UQCRFS1: variants seen among roughly 807,000 people sequenced by gnomAD.
UQCRFS1 encodes the protein cytochrome b-c1 complex subunit Rieske, mitochondrial.
Under a neutral mutation model 15.6 loss-of-function variants are expected in UQCRFS1, and 6 were observed. The observed-to-expected ratio is 0.38, with a 90% confidence interval of 0.21 to 0.76. UQCRFS1 has a LOEUF of 0.76. Among genes scored for constraint, UQCRFS1 ranks in the 30% least tolerant of loss-of-function variants. The probability of loss-of-function intolerance (pLI) is 0.44; values close to 1 mark genes in which losing one functional copy is unlikely to be tolerated. For missense variants in UQCRFS1, 203 were observed against 366.7 expected, an observed-to-expected ratio of 0.55 and a Z score of 3.65; for synonymous variants, 105 against 154.3, an observed-to-expected ratio of 0.68 and a Z score of 2.37.
At chr19:29,209,071 G>T (rs960557994) in intron 1 of UQCRFS1, among the ~76,000 whole-genome samples, 3 of 152,074 alleles carry the variant, frequency 2.0e-5, no homozygotes, top group Admixed American at 2.0e-4. Context: ...TTACTATGTA[G>T]TACTTTGGGA....
rs1484056427 is a variant in UQCRFS1, at chr19:29,206,044, C to G, written c.*1504G>C. The G allele has an allele frequency of 1.3e-5, 2 of 152,154 alleles. No homozygotes were observed. Among genetic ancestry groups the G allele is most frequent in the African/African-American group, 2.4e-5 (1 of 41,408 alleles). The allele number at this position is 152,154 out of a possible 1,614,324, so 9.4% of individuals were successfully genotyped here. A position where few individuals can be genotyped will look rare whatever the true frequency, so the allele number is the denominator to read the frequency against. The stretch of plus-strand genomic sequence containing the variant: ...AGTATTTCTCTATAGGGAGGGGGTG[C>G]TGTTGACATTTTTGGCAGCACAGGT... On this transcript the variant is annotated 3_prime_UTR_variant, in exon 2 of 2. Coordinates refer to ENST00000304863, the MANE Select transcript of UQCRFS1 (RefSeq NM_006003.3).
intron 1 of UQCRFS1, among the ~76,000 whole-genome samples, chr19:29,212,023 T>C (rs1424569303): frequency 1.3e-5 from 2 of 152,190 alleles, no homozygotes; most frequent in Non-Finnish European, 2.9e-5. Flanking sequence ...TTTTAAGAGA[T>C]GCCATTAGTC....
rs1976595854 is a variant in UQCRFS1, at chr19:29,206,537, T to C, written c.*1011A>G. ...CCCACTCCCAACTCCCAGGGGAAAATGGACCTTAGTCTTGTTTCACCTGTG... is the reference window on the plus strand; with the variant it reads ...CCCACTCCCAACTCCCAGGGGAAAACGGACCTTAGTCTTGTTTCACCTGTG... On this transcript the variant is annotated 3_prime_UTR_variant, in exon 2 of 2. Coordinates refer to ENST00000304863, the MANE Select transcript of UQCRFS1 (RefSeq NM_006003.3). 1 of 152,166 alleles carries C rather than the reference T, an allele frequency of 6.6e-6. No individual in the cohort carries two copies. Among genetic ancestry groups the C allele is most frequent in the Admixed American group, 6.5e-5 (1 of 15,282 alleles). The allele number at this position is 152,166 out of a possible 1,614,324, so 9.4% of individuals were successfully genotyped here. A position where few individuals can be genotyped will look rare whatever the true frequency, so the allele number is the denominator to read the frequency against.
At chr19:29,208,936 A>G (rs190824564) in intron 1 of UQCRFS1, among the ~76,000 whole-genome samples, 21 of 152,154 alleles carry the variant, frequency 1.4e-4, no homozygotes, top group African/African-American at 5.1e-4. Context: ...CCCCCTCTTC[A>G]GTAAAGGGCA....
chr19:29,212,894 C>T lies in UQCRFS1; in HGVS notation c.214+11G>A. 7.7e-6 allele frequency: 11 copies of T among 1,428,270 alleles called. No individual in the cohort carries two copies. Among genetic ancestry groups the T allele is most frequent in the Middle Eastern group, 2.5e-4 (1 of 3,964 alleles). The allele number at this position is 1,428,270 out of a possible 1,614,324, so 88.5% of individuals were successfully genotyped here. On this transcript the variant is annotated intron_variant, in intron 1 of 1. Transcript: ENST00000304863. ...CCCCCAGCCCTGCTCGCGGCCCTCG[C>T]CCCGGCTCACCATTGAGGCCCACGG...
In UQCRFS1 at chr19:29,207,526, C is replaced by A. The variant is rs1443187554; in HGVS notation, c.*22G>T. 1 of 1,570,890 alleles carries A rather than the reference C, an allele frequency of 6.4e-7. No individual in the cohort carries two copies. Among genetic ancestry groups the A allele is most frequent in the South Asian group, 1.2e-5 (1 of 83,642 alleles). On this transcript the variant is annotated 3_prime_UTR_variant, in exon 2 of 2. Coordinates refer to ENST00000304863, the MANE Select transcript of UQCRFS1 (RefSeq NM_006003.3). ...AGGTGACATAAAGACTGAAAGAAGC[C>A]TATGACTTGAGTCCAAGTCTCTTAA...
At chr19:29,212,776 T>C (rs1976672601) in intron 1 of UQCRFS1, 129 bp downstream of exon 1, 1 of 1,011,638 alleles carries the variant, frequency 9.9e-7, no homozygotes. Flanking sequence ...AGGCCCAGAG[T>C]TGCGGAGGCC....
In UQCRFS1 at chr19:29,213,145, C is replaced by T. The variant is rs567116789; in HGVS notation, c.-27G>A. On this transcript the variant is annotated 5_prime_UTR_variant, in exon 1 of 2. Transcript: ENST00000304863. ...GCGACAGCCGCTCCAACCGCCAAGC[C>T]GGTCACAGGGACGACCTTCCAACCA... 5.1e-5 allele frequency: 78 copies of T among 1,519,182 alleles called. No homozygotes were observed. In the South Asian group the frequency reaches 8.1e-4, roughly 16 times the overall value. 94.1% of individuals were successfully genotyped at this position (1,519,182 alleles called of 1,614,324 possible). A position where few individuals can be genotyped will look rare whatever the true frequency, so the allele number is the denominator to read the frequency against.
chr19:29,207,813 T>G lies in UQCRFS1; in HGVS notation c.560A>C (p.Glu187Ala). 6.2e-7 allele frequency: 1 copy of G among 1,614,048 alleles called. No individual in the cohort carries two copies. The highest frequency in any genetic ancestry group is 8.5e-7 in the Non-Finnish European group (1 of 1,179,884). Residue 187 changes from glutamate (E) to alanine (A), a missense_variant, in exon 2 of 2, where the codon GAA (glutamate) becomes GCA (alanine). By Grantham distance (107) the Glu-to-Ala change is moderately radical. Transcript: ENST00000304863. ...RHRTQKEIEQ[E>A]AAVELSQLRD... ...CAACTGTGATAATTCAACTGCAGCT[T>G]CCTGCTCAATTTCCTTCTGGGTTCT... is the stretch of plus-strand genomic sequence containing the variant.
intron 1 of UQCRFS1, among the ~76,000 whole-genome samples, chr19:29,208,870 A>G (rs6509300): frequency 9.2e-5 from 14 of 152,192 alleles, no homozygotes; most frequent in African/African-American, 3.4e-4. Context: ...GAAAACTGCA[A>G]AAGAACTAAT....
In UQCRFS1 at chr19:29,207,920, T is replaced by G; in HGVS notation, c.453A>C (p.Lys151Asn). 1 of 1,613,994 alleles carries G rather than the reference T, an allele frequency of 6.2e-7. No individual in the cohort carries two copies. The highest frequency in any genetic ancestry group is 8.5e-7 in the Non-Finnish European group (1 of 1,179,862). ...SASADVLALA[K>N]IEIKLSDIPE... Reference sequence around the variant, plus strand: ...GAATATCGGATAACTTGATTTCGATTTTCGCCAGGGCCAACACATCAGCAG... The same window carrying G: ...GAATATCGGATAACTTGATTTCGATGTTCGCCAGGGCCAACACATCAGCAG... Residue 151 changes from lysine (K) to asparagine (N), a missense_variant, in exon 2 of 2, where the codon AAA becomes AAC. Transcript: ENST00000304863.
chr19:29,211,059 G>C (rs1395419730), intron 1 of UQCRFS1, among the ~76,000 whole-genome samples: 1 of 152,014 alleles, frequency 6.6e-6, no homozygotes, highest in African/African-American at 2.4e-5. Context: ...ATTCTAACTG[G>C]TGTGAGATGG....
In UQCRFS1 at chr19:29,207,587, C is replaced by A. The variant is rs754315857; in HGVS notation, c.786G>T (p.Thr262=). 1 of 1,613,618 alleles carries A rather than the reference C, an allele frequency of 6.2e-7. No homozygotes were observed. The highest frequency in any genetic ancestry group is 8.5e-7 in the Non-Finnish European group (1 of 1,179,670). Residue 262 remains threonine, a synonymous_variant, in exon 2 of 2, where the codon ACG becomes ACT. Transcript: ENST00000304863. ...CCATATCGTCACTGGTGAACTCATACGTGGGGACTTCAAGGTTGAGAGGAG... is the reference window on the plus strand; with the variant it reads ...CCATATCGTCACTGGTGAACTCATAAGTGGGGACTTCAAGGTTGAGAGGAG... ...GPAPLNLEVP[T]YEFTSDDMVI... is the part of the protein sequence containing the mutation.
chr19:29,209,084 A>C (rs1320660290), intron 1 of UQCRFS1, among the ~76,000 whole-genome samples: 2 of 152,184 alleles, frequency 1.3e-5, no homozygotes, highest in African/African-American at 4.8e-5. Flanking sequence ...CTTTGGGAGC[A>C]AGGAGTTTCT....
At chr19:29,209,980 A>C (rs753106004) in intron 1 of UQCRFS1, among the ~76,000 whole-genome samples, 26 of 152,308 alleles carry the variant, frequency 1.7e-4, no homozygotes, top group Middle Eastern at 3.4e-3. Context: ...TGTTGCAAAA[A>C]TCATTCTCCA....
Position 29,207,416 on chromosome 19 carries a change from TTAA to T in UQCRFS1, c.*129_*131del, listed in dbSNP as rs1976604697. The T allele has an allele frequency of 9.0e-6, 10 of 1,116,226 alleles. No homozygotes were observed. The East Asian group carries it at 2.1e-4, about 23-fold the overall frequency. The allele number at this position is 1,116,226 out of a possible 1,614,324, so 69.1% of individuals were successfully genotyped here. A position where few individuals can be genotyped will look rare whatever the true frequency, so the allele number is the denominator to read the frequency against. On this transcript the variant is annotated 3_prime_UTR_variant, in exon 2 of 2. Transcript: ENST00000304863. Reference sequence around the variant, plus strand: ...AACATTAAATTCAATTTATTTCACATTAATGTTTGCAAATACATCATCAATTCT... The same window carrying T: ...AACATTAAATTCAATTTATTTCACATTGTTTGCAAATACATCATCAATTCT...
rs563173630 is a variant in UQCRFS1, at chr19:29,211,535, T to C, written c.214+1370A>G. ...ACTAACTGTATACAAAATCCGACGT[T>C]GTGAAAGATAGAAAAATAAAGAAGA... On this transcript the variant is annotated intron_variant, in intron 1 of 1. Coordinates refer to ENST00000304863, the MANE Select transcript of UQCRFS1 (RefSeq NM_006003.3). Among the ~76,000 whole-genome samples the C allele has an allele frequency of 3.3e-5, 5 of 152,286 alleles. No homozygotes were observed. In the South Asian group the frequency reaches 1.0e-3, roughly 32 times the overall value.
chr19:29,210,133 C>T (rs892949611), intron 1 of UQCRFS1, among the ~76,000 whole-genome samples: 3 of 152,136 alleles, frequency 2.0e-5, no homozygotes, highest in Non-Finnish European at 4.4e-5. Context: ...AGCTCCAATG[C>T]GCCTTGGAAA....
intron 1 of UQCRFS1, among the ~76,000 whole-genome samples, chr19:29,212,475 C>T (rs1314900285): frequency 6.6e-6 from 1 of 151,898 alleles, no homozygotes; most frequent in South Asian, 2.1e-4. Context: ...TAGTAAGTTT[C>T]CATTTCTTAA....
Sources: gnomAD v4.1 joint callset for allele counts (sites outside exome capture counted in the v4.1 genomes callset) on GRCh38, gnomAD v4.1.1 for gene constraint, MANE v1.5 for transcripts, NCBI Gene and HGNC (gene_info 2026-07-23, HGNC 2026-07-21) for gene names.